Variants in ABHD4 observed in about 807,000 individuals in gnomAD.
ABHD4 encodes (Lyso)-N-acylphosphatidylethanolamine lipase.
In ABHD4, 35 loss-of-function variants were observed where a neutral mutation model predicts 42.3. That is an observed-to-expected ratio of 0.83 (90% confidence interval 0.63 to 1.10). ABHD4 has a LOEUF of 1.10. Among genes scored for constraint, ABHD4 ranks in the 50% least tolerant of loss-of-function variants. ABHD4 has a pLI of 0.00. For missense variants in ABHD4, 389 were observed against 454.8 expected (o/e 0.86, Z 1.32); for synonymous variants, 169 against 170.6 (o/e 0.99, Z 0.07).
intron 4 of ABHD4, 48 bp from the exon 5 acceptor site, chr14:22,606,374 G>T (rs1566383553): frequency 7.5e-7 from 1 of 1,327,320 alleles, no homozygotes; most frequent in Non-Finnish European, 1.1e-6. Context: ...AGTCTTCCCT[G>T]CCCCACCTCC....
At position 22,603,376 on chromosome 14, in the gene ABHD4, T is replaced by C; in HGVS notation, c.113-14T>C. On this transcript the variant is annotated splice_polypyrimidine_tract_variant and intron_variant, in intron 2 of 6. Coordinates refer to ENST00000428304, the MANE Select transcript of ABHD4 (RefSeq NM_022060.3). ...AACACTTATTGACTTACCATGGGAT[T>C]CTTTCCTCCCCAGGTCTCCAGAATA... 2 of 1,614,044 alleles carry C rather than the reference T, an allele frequency of 1.2e-6. No homozygotes were observed. The highest frequency in any genetic ancestry group is 3.3e-4 in the Middle Eastern group (2 of 6,062).
At position 22,609,897 on chromosome 14, in the gene ABHD4, A is replaced by G. The variant is rs775788368; in HGVS notation, c.926A>G (p.Tyr309Cys). The change falls in exon 6 of 7, where the codon TAT (tyrosine) becomes TGT (cysteine). Residue 309 changes from tyrosine (Y) to cysteine (C), a missense_variant. Tyr to Cys is a radical substitution (Grantham distance 194). Coordinates refer to ENST00000428304, the MANE Select transcript of ABHD4 (RefSeq NM_022060.3). ...GTGAAGATGCAGCGGCCGGATTCCT[A>G]TGTCCGAGACATGGTATGTTGCACC... is the stretch of plus-strand genomic sequence containing the variant. ...KKVKMQRPDS[Y>C]VRDMEIKGAS... 6.2e-7 allele frequency: 1 copy of G among 1,614,008 alleles called. No individual in the cohort carries two copies. Among genetic ancestry groups the G allele is most frequent in the Non-Finnish European group, 8.5e-7 (1 of 1,179,996 alleles).
intron 5 of ABHD4, among the ~76,000 whole-genome samples, chr14:22,609,038 C>A (rs1290954333): frequency 6.6e-6 from 1 of 151,108 alleles, no homozygotes; most frequent in Middle Eastern, 3.5e-3. Context: ...CGCTCTGTCA[C>A]CCAGGCTAGA....
At chr14:22,601,630 A>C in intron 1 of ABHD4, 37 bp from the exon 2 acceptor site, 2 of 1,573,102 alleles carry the variant, frequency 1.3e-6, no homozygotes, top group East Asian at 2.2e-5. Context: ...GTTTCTTTCC[A>C]ATGTTGCCAA....
chr14:22,605,729 T>A (rs2037341720), intron 4 of ABHD4: 1 of 964,898 alleles, frequency 1.0e-6, no homozygotes, highest in Non-Finnish European at 1.4e-6. Flanking sequence ...CCCATGCAGA[T>A]CCTCATGGCA....
chr14:22,603,066 A>G (rs1484916141), intron 2 of ABHD4, among the ~76,000 whole-genome samples: 1 of 152,222 alleles, frequency 6.6e-6, no homozygotes, highest in Non-Finnish European at 1.5e-5. Context: ...AACTTGATCA[A>G]ATATGAAGGA....
At chr14:22,609,029 G>A (rs886877710) in intron 5 of ABHD4, among the ~76,000 whole-genome samples, 3 of 144,448 alleles carry the variant, frequency 2.1e-5, no homozygotes, top group Non-Finnish European at 1.5e-5. Context: ...ACAGAGTCTC[G>A]CTCTGTCACC....
intron 4 of ABHD4, chr14:22,605,733 C>A: frequency 1.9e-6 from 2 of 1,038,182 alleles, no homozygotes; most frequent in Non-Finnish European, 1.3e-6. Context: ...TGCAGATCCT[C>A]ATGGCACCCC....
Position 22,612,507 on chromosome 14 carries a change from C to T in ABHD4, c.*1559C>T, listed in dbSNP as rs1218869031. 2 of 152,258 alleles carry T rather than the reference C, an allele frequency of 1.3e-5. No homozygotes were observed. Among genetic ancestry groups the T allele is most frequent in the Admixed American group, 6.5e-5 (1 of 15,282 alleles). The allele number at this position is 152,258 out of a possible 1,614,324, so 9.4% of individuals were successfully genotyped here. A position where few individuals can be genotyped will look rare whatever the true frequency, so the allele number is the denominator to read the frequency against. ...TTTAGTGTGGCGTTTGCCCGCTAGA[C>T]CCAGCCCAGAGTCCAGGTCAGCACA... On this transcript the variant is annotated 3_prime_UTR_variant, in exon 7 of 7. Coordinates refer to ENST00000428304, the MANE Select transcript of ABHD4 (RefSeq NM_022060.3).
rs1427825557 is a variant in ABHD4, at chr14:22,611,792, A to G, written c.*844A>G. On this transcript the variant is annotated 3_prime_UTR_variant, in exon 7 of 7. Coordinates refer to ENST00000428304, the MANE Select transcript of ABHD4 (RefSeq NM_022060.3). Reference sequence around the variant, plus strand: ...ATCCCCGGCTGCCTAAGCTAGGGACACTCAAGTGCTTCCTTCCTTGCCCCA... The same window carrying G: ...ATCCCCGGCTGCCTAAGCTAGGGACGCTCAAGTGCTTCCTTCCTTGCCCCA... 1.3e-5 allele frequency: 2 copies of G among 153,174 alleles called. No individual in the cohort carries two copies. Among genetic ancestry groups the G allele is most frequent in the African/African-American group, 4.8e-5 (2 of 41,422 alleles). 9.5% of individuals were successfully genotyped at this position (153,174 alleles called of 1,614,324 possible).
intron 4 of ABHD4, among the ~76,000 whole-genome samples, chr14:22,605,241 G>T (rs1042713248): frequency 6.6e-6 from 1 of 152,138 alleles, no homozygotes; most frequent in Non-Finnish European, 1.5e-5. Flanking sequence ...ACCCTTCTCC[G>T]CTGGGGAGCT....
chr14:22,605,857 G>A, intron 4 of ABHD4: 1 of 1,285,604 alleles, frequency 7.8e-7, no homozygotes, highest in South Asian at 1.2e-5. Flanking sequence ...TTTACAGTCT[G>A]TTGTTGCATG....
chr14:22,610,277 G>A (rs759584413), intron 6 of ABHD4, among the ~76,000 whole-genome samples: 2 of 152,096 alleles, frequency 1.3e-5, no homozygotes, highest in South Asian at 2.1e-4. Flanking sequence ...GGCTGGTCTC[G>A]AACTCCTGAC....
intron 6 of ABHD4, among the ~76,000 whole-genome samples, chr14:22,610,549 AGT>A (rs2037402730): frequency 6.6e-6 from 1 of 152,092 alleles, no homozygotes; most frequent in Non-Finnish European, 1.5e-5. Flanking sequence ...TGTGCCAATG[AGT>A]GTGCTTAATG....
At chr14:22,610,834 A>T (rs771258230) in intron 6 of ABHD4, 25 bp from the exon 7 acceptor site, 9 of 1,595,964 alleles carry the variant, frequency 5.6e-6, no homozygotes, top group Admixed American at 1.7e-5. Context: ...AGGCCATCCC[A>T]CCCCTGCGGG....
intron 4 of ABHD4, 113 bp from the exon 5 acceptor site, chr14:22,606,308 CA>C (rs1594892763): frequency 2.8e-6 from 2 of 724,726 alleles, no homozygotes; most frequent in Non-Finnish European, 4.8e-6. Flanking sequence ...ATAAAGCAAA[CA>C]AACCCTTAGG....
chr14:22,609,392 G>A lies in ABHD4; in HGVS notation c.753-332G>A, dbSNP rs142488406. ...GAGCTAAAGTGTGTGAGCTCCAGGA[G>A]GGACAGCATCCTGCCTTTCTTGTTC... On this transcript the variant is annotated intron_variant, in intron 5 of 6. Transcript: ENST00000428304. Among the ~76,000 whole-genome samples, 902 of 152,338 alleles carry A rather than the reference G, an allele frequency of 5.9e-3. 6 individuals carry two copies. Among genetic ancestry groups the A allele is most frequent in the African/African-American group, 0.02 (849 of 41,576 alleles).
intron 2 of ABHD4, among the ~76,000 whole-genome samples, chr14:22,602,591 G>A (rs1311791880): frequency 6.6e-6 from 1 of 152,084 alleles, no homozygotes; most frequent in Non-Finnish European, 1.5e-5. Context: ...CCACAGTTCT[G>A]TCCATCCATC....
Position 22,603,628 on chromosome 14 carries a change from G to A in ABHD4, c.351G>A (p.Pro117=), listed in dbSNP as rs150612174. ...RSSRPAFPRD[P]EGAEDEFVTS... Reference sequence around the variant, plus strand: ...CAAGGCCAGCATTCCCAAGGGACCCGGAGGGGGCTGAGGATGAGTTTGTGA... The same window carrying A: ...CAAGGCCAGCATTCCCAAGGGACCCAGAGGGGGCTGAGGATGAGTTTGTGA... The change falls in exon 3 of 7, where the codon CCG becomes CCA. Residue 117 remains proline (P), a synonymous_variant. Transcript: ENST00000428304. The A allele has an allele frequency of 4.8e-4, 767 of 1,614,142 alleles. 6 individuals are homozygous for A. In the South Asian group the frequency reaches 5.4e-3, roughly 11 times the overall value.
Sources: gnomAD v4.1 joint callset for allele counts (sites outside exome capture counted in the v4.1 genomes callset) on GRCh38, gnomAD v4.1.1 for gene constraint, MANE v1.5 for transcripts, NCBI Gene and HGNC (gene_info 2026-07-23, HGNC 2026-07-21) for gene names.